NDE1: variants seen among roughly 807,000 people sequenced by gnomAD.
The protein encoded by NDE1 is nudE neurodevelopment protein 1, also known as nuclear distribution protein nudE homolog 1.
Under a neutral mutation model 43.4 loss-of-function variants are expected in NDE1, and 28 were observed. The observed-to-expected ratio is 0.65, with a 90% confidence interval of 0.48 to 0.89. The LOEUF is 0.89. Ranked by LOEUF, NDE1 falls within the 40% of genes least tolerant of loss-of-function variation. The probability of loss-of-function intolerance (pLI) is 0.00; values close to 1 mark genes in which losing one functional copy is unlikely to be tolerated. For missense variants in NDE1, 441 were observed against 434.1 expected, an observed-to-expected ratio of 1.02 and a Z score of -0.14; for synonymous variants, 184 against 172.0, an observed-to-expected ratio of 1.07 and a Z score of -0.55.
At chr16:15,684,938 CTT>C (rs991510987) in intron 4 of NDE1, among the ~76,000 whole-genome samples, 1 of 152,202 alleles carries the variant, frequency 6.6e-6, no homozygotes, top group African/African-American at 2.4e-5. Context: ...TCCCTGATCT[CTT>C]TTACAGAGTT....
chr16:15,679,361 C>G (rs2038057658), intron 4 of NDE1, among the ~76,000 whole-genome samples: 1 of 152,140 alleles, frequency 6.6e-6, no homozygotes, highest in Non-Finnish European at 1.5e-5. Flanking sequence ...CATCTATACA[C>G]ATAACCTTTT....
At chr16:15,720,174 T>C (rs2040390537) in intron 8 of NDE1, 1 of 1,614,020 alleles carries the variant, frequency 6.2e-7, no homozygotes, top group Admixed American at 1.7e-5. Flanking sequence ...AGCTGCTTGA[T>C]GGCTTCCTCC....
intron 3 of NDE1, among the ~76,000 whole-genome samples, 178 bp from the exon 4 acceptor site, chr16:15,677,623 G>A (rs748715475): frequency 3.3e-5 from 5 of 150,678 alleles, no homozygotes; most frequent in Non-Finnish European, 7.4e-5. Flanking sequence ...TTGCTGTGTT[G>A]CCCAGGCTGG....
chr16:15,645,521 T>G (rs1371661124), upstream of NDE1, among the ~76,000 whole-genome samples: 1 of 152,204 alleles, frequency 6.6e-6, no homozygotes. Flanking sequence ...CTAATAAAAG[T>G]CTGAATTACA....
At chr16:15,690,898 C>G (rs747430498) in intron 5 of NDE1, among the ~76,000 whole-genome samples, 18 of 152,164 alleles carry the variant, frequency 1.2e-4, no homozygotes, top group Non-Finnish European at 2.5e-4. Context: ...ACCCTGGCCT[C>G]CCAGGTTCAA....
chr16:15,681,388 C>T, intron 4 of NDE1, among the ~76,000 whole-genome samples: 1 of 149,570 alleles, frequency 6.7e-6, no homozygotes. Context: ...CCTCAGCCTC[C>T]TGAGTGTCTG....
chr16:15,691,270 T>C lies in NDE1; in HGVS notation c.650T>C (p.Ile217Thr), dbSNP rs757166008. 15 of 1,613,926 alleles carry C rather than the reference T, an allele frequency of 9.3e-6. No homozygotes were observed. Among genetic ancestry groups the C allele is most frequent in the Non-Finnish European group, 1.3e-5 (15 of 1,179,980 alleles). Residue 217 changes from isoleucine (I) to threonine (T), a missense_variant, in exon 6 of 9, where the codon ATT (isoleucine) becomes ACT (threonine). Physicochemically the swap from Ile to Thr is moderately conservative, Grantham distance 89. Transcript: ENST00000396354. ...ACGGGCTCCGTGCCGTCCACGCCCA[T>C]TGCTCACCGAGGACCCAGCTCAAGT... ...QATGSVPSTPIAHRGPSSSLN... is the reference protein window; with the variant it reads ...QATGSVPSTPTAHRGPSSSLN...
intron 3 of NDE1, among the ~76,000 whole-genome samples, chr16:15,669,304 C>G (rs1014672763): frequency 4.4e-4 from 67 of 152,128 alleles, no homozygotes; most frequent in African/African-American, 1.6e-3. Context: ...AGTGATTGTC[C>G]CGCCTCAGCC....
chr16:15,694,452 C>T (rs1336356953), intron 7 of NDE1, 196 bp downstream of exon 7: 2 of 1,385,158 alleles, frequency 1.4e-6, no homozygotes, highest in Admixed American at 2.0e-5. Context: ...TTCAAGCGAT[C>T]CTCTCACCTT....
intron 1 of NDE1, among the ~76,000 whole-genome samples, chr16:15,660,979 G>C (rs2037014482): frequency 6.6e-6 from 1 of 152,106 alleles, no homozygotes. Flanking sequence ...ACGAGGAAAA[G>C]AGAAAAACCA....
chr16:15,682,565 A>G (rs2038236616), intron 4 of NDE1, among the ~76,000 whole-genome samples: 1 of 152,176 alleles, frequency 6.6e-6, no homozygotes, highest in African/African-American at 2.4e-5. Flanking sequence ...TATAAGAATA[A>G]CCTTGAAAAG....
intron 3 of NDE1, among the ~76,000 whole-genome samples, chr16:15,676,225 G>GTT (rs34293989): frequency 0.011 from 1,356 of 118,896 alleles, 34 homozygotes; most frequent in African/African-American, 0.017. Flanking sequence ...TGTTTTTCTG[G>GTT]TTTTTTTTTT....
intron 8 of NDE1, chr16:15,717,437 T>A: frequency 7.4e-7 from 1 of 1,353,814 alleles, no homozygotes. Flanking sequence ...TTGTTTGGCC[T>A]CTGCACGAGT....
chr16:15,654,571 A>C lies in NDE1; in HGVS notation c.-44+4277A>C, dbSNP rs2036661710. On this transcript the variant is annotated intron_variant, in intron 1 of 8. Coordinates refer to ENST00000396354, the MANE Select transcript of NDE1 (RefSeq NM_017668.3). ...AGCTGAGATCACACCACTGCACTCC[A>C]GCCTGGGCAACAGAGAAAGAGATTC... Among the ~76,000 whole-genome samples, 4 of 138,968 alleles carry C rather than the reference A, an allele frequency of 2.9e-5. No homozygotes were observed. In the South Asian group the frequency reaches 1.0e-3, roughly 36 times the overall value. The allele number at this position is 138,968 out of a possible 152,430, so 91.2% of individuals were successfully genotyped here.
intron 6 of NDE1, among the ~76,000 whole-genome samples, chr16:15,693,138 A>G (rs544635839): frequency 6.6e-6 from 1 of 151,984 alleles, no homozygotes; most frequent in East Asian, 1.9e-4. Flanking sequence ...AGTAGCTGGG[A>G]TTACAGGCAG....
At chr16:15,679,544 A>G (rs186767426) in intron 4 of NDE1, among the ~76,000 whole-genome samples, 1 of 152,206 alleles carries the variant, frequency 6.6e-6, no homozygotes, top group African/African-American at 2.4e-5. Context: ...TTTTCAATAT[A>G]TTGTATTTTT....
chr16:15,683,127 A>G (rs915072847), intron 4 of NDE1, among the ~76,000 whole-genome samples: 1 of 152,052 alleles, frequency 6.6e-6, no homozygotes, highest in African/African-American at 2.4e-5. Flanking sequence ...GATTACAAGC[A>G]TGAGCCACTG....
chr16:15,692,042 C>T (rs1377170549), intron 6 of NDE1, among the ~76,000 whole-genome samples: 4 of 152,174 alleles, frequency 2.6e-5, no homozygotes, highest in East Asian at 3.9e-4. Flanking sequence ...GAGAGCTAGA[C>T]TCAGCGTAAC....
At chr16:15,685,994 C>T (rs1482812572) in intron 4 of NDE1, among the ~76,000 whole-genome samples, 1 of 151,338 alleles carries the variant, frequency 6.6e-6, no homozygotes, top group Non-Finnish European at 1.5e-5. Flanking sequence ...CTCTGTTGCC[C>T]AAGCTGGAGT....
Sources: gnomAD v4.1 joint callset for allele counts (sites outside exome capture counted in the v4.1 genomes callset) on GRCh38, gnomAD v4.1.1 for gene constraint, MANE v1.5 for transcripts, NCBI Gene and HGNC (gene_info 2026-07-23, HGNC 2026-07-21) for gene names.